The following SAMTOR variants were observed in gnomAD, a reference collection of about 807,000 sequenced individuals.
SAMTOR encodes the protein S-adenosylmethionine sensor upstream of mTORC1, also known as UPF0532 protein C7orf60.
the SAMTOR span, among the ~76,000 whole-genome samples, chr7:112,830,863 G>A: frequency 1.3e-5 from 2 of 150,756 alleles, no homozygotes; most frequent in Non-Finnish European, 2.9e-5. Context: ...GAGCTACTAT[G>A]CTTGATGCTT....
chr7:112,823,196 T>G, the SAMTOR span, among the ~76,000 whole-genome samples: 1 of 152,152 alleles, frequency 6.6e-6, no homozygotes, highest in Admixed American at 6.5e-5. Flanking sequence ...AAAAGTGATA[T>G]GCAATGTTCT....
chr7:112,836,135 C>T, the SAMTOR span, among the ~76,000 whole-genome samples: 4 of 152,090 alleles, frequency 2.6e-5, no homozygotes, highest in Non-Finnish European at 4.4e-5. Flanking sequence ...TTCTCTGCAA[C>T]CTTGCCAGCA....
the SAMTOR span, among the ~76,000 whole-genome samples, chr7:112,829,091 C>T: frequency 3.3e-5 from 5 of 151,986 alleles, no homozygotes; most frequent in African/African-American, 7.2e-5. Flanking sequence ...TTCAAATCCC[C>T]CACCTTTTGG....
the SAMTOR span, among the ~76,000 whole-genome samples, chr7:112,877,804 T>C: frequency 6.6e-6 from 1 of 152,218 alleles, no homozygotes; most frequent in East Asian, 2.0e-4. Flanking sequence ...TGAGTTCTTG[T>C]GTGTGGCAAC....
At chr7:112,935,060 A>C in the SAMTOR span, 1 of 247,366 alleles carries the variant, frequency 4.0e-6, no homozygotes, top group African/African-American at 2.3e-5. Flanking sequence ...ACTTAACAGG[A>C]CCTTCTGTGA....
chr7:112,839,136 A>G, the SAMTOR span, among the ~76,000 whole-genome samples: 14 of 152,030 alleles, frequency 9.2e-5, no homozygotes, highest in East Asian at 9.6e-4. Flanking sequence ...AAGAAAGTAA[A>G]GCACTGCTCA....
the SAMTOR span, among the ~76,000 whole-genome samples, chr7:112,872,690 T>G: frequency 6.6e-6 from 1 of 151,764 alleles, no homozygotes; most frequent in South Asian, 2.1e-4. Flanking sequence ...GTCAATTATC[T>G]CTCTTCACTG....
chr7:112,870,590 A>T, the SAMTOR span, among the ~76,000 whole-genome samples: 1 of 152,176 alleles, frequency 6.6e-6, no homozygotes, highest in Admixed American at 6.5e-5. Context: ...AAAAGCATAC[A>T]TAAACACACA....
chr7:112,837,182 T>C, the SAMTOR span, among the ~76,000 whole-genome samples: 5 of 152,050 alleles, frequency 3.3e-5, no homozygotes, highest in Non-Finnish European at 5.9e-5. Flanking sequence ...CTAGGTATTT[T>C]ATTCTTTTTG....
chr7:112,861,676 G>C, the SAMTOR span, among the ~76,000 whole-genome samples: 1 of 152,088 alleles, frequency 6.6e-6, no homozygotes, highest in Non-Finnish European at 1.5e-5. Context: ...TGCTATGCTT[G>C]AAAAATTCTC....
At chr7:112,832,313 T>G in the SAMTOR span, among the ~76,000 whole-genome samples, 2 of 152,110 alleles carry the variant, frequency 1.3e-5, no homozygotes, top group Non-Finnish European at 2.9e-5. Context: ...CCATGCCCAG[T>G]TGAAGTTTCT....
At chr7:112,887,155 G>GA in the SAMTOR span, among the ~76,000 whole-genome samples, 2 of 152,040 alleles carry the variant, frequency 1.3e-5, no homozygotes, top group South Asian at 4.2e-4. Flanking sequence ...CTGGGCTACA[G>GA]AGCGAGACTC....
chr7:112,879,356 G>C, the SAMTOR span, among the ~76,000 whole-genome samples: 3,415 of 151,940 alleles, frequency 0.022, 66 homozygotes, highest in Admixed American at 0.042. Flanking sequence ...CAACAATTAA[G>C]AGAGACACAG....
the SAMTOR span, among the ~76,000 whole-genome samples, chr7:112,928,421 G>C: frequency 1.3e-4 from 19 of 151,710 alleles, no homozygotes; most frequent in South Asian, 3.5e-3. Flanking sequence ...CCATCCTTAC[G>C]GTACTTTGTC....
chr7:112,924,141 T>C, the SAMTOR span, among the ~76,000 whole-genome samples: 2 of 151,800 alleles, frequency 1.3e-5, no homozygotes, highest in African/African-American at 2.4e-5. Context: ...CATGTATACA[T>C]ATGTAACTAA....
chr7:112,831,221 G>A, the SAMTOR span, among the ~76,000 whole-genome samples: 1 of 152,066 alleles, frequency 6.6e-6, no homozygotes, highest in Non-Finnish European at 1.5e-5. Context: ...TCTATCAAGA[G>A]TAAAATGGTA....
At chr7:112,922,798 C>T in the SAMTOR span, among the ~76,000 whole-genome samples, 20 of 151,796 alleles carry the variant, frequency 1.3e-4, no homozygotes, top group South Asian at 4.2e-4. Flanking sequence ...GGTCAGCCCC[C>T]GCCAGGCCAG....
the SAMTOR span, among the ~76,000 whole-genome samples, chr7:112,849,326 A>G: frequency 1.6e-4 from 25 of 152,338 alleles, no homozygotes; most frequent in African/African-American, 5.8e-4. Context: ...AGTTTGGTAC[A>G]GTAAAAAAAG....
the SAMTOR span, among the ~76,000 whole-genome samples, chr7:112,885,975 G>A: frequency 6.6e-6 from 1 of 152,192 alleles, no homozygotes; most frequent in Non-Finnish European, 1.5e-5. Flanking sequence ...GGCTGGGAAA[G>A]CCTCAGGAAA....
Sources: allele counts gnomAD v4.1 joint callset (sites outside exome capture counted in the v4.1 genomes callset), GRCh38; gene constraint gnomAD v4.1.1; transcripts MANE v1.5; gene names NCBI Gene and HGNC (gene_info 2026-07-23, HGNC 2026-07-21).